The following PDE3B variants were observed in gnomAD, a reference collection of about 807,000 sequenced individuals.
PDE3B encodes cGMP-inhibited 3',5'-cyclic phosphodiesterase 3B.
A neutral mutation model predicts 116.8 loss-of-function variants in PDE3B; 66 were observed. That is an observed-to-expected ratio of 0.56 (90% CI 0.46 to 0.69). The LOEUF is 0.69. Among genes scored for constraint, PDE3B ranks in the 30% least tolerant of loss-of-function variants. The pLI, the probability that PDE3B is intolerant of heterozygous loss-of-function variation, is 0.00. For missense variants in PDE3B, 1,384 were observed against 1,368.1 expected (o/e 1.01, Z -0.18); for synonymous variants, 595 against 533.6 (o/e 1.12, Z -1.59).
In PDE3B at chr11:14,818,257, T is replaced by G; in HGVS notation, c.1597T>G (p.Ser533Ala). The change falls in exon 6 of 16, where the codon TCA (serine) becomes GCA (alanine). Residue 533 changes from serine to alanine, a missense_variant. By Grantham distance (99) the Ser-to-Ala change is moderately conservative. This residue lies in a region of PDE3B where 956 missense variants were observed against 806.8 expected (regional missense o/e 1.18). Transcript: ENST00000282096. The stretch of plus-strand genomic sequence containing the variant: ...GTCTACTGGCTCTCTAACTAATCGA[T>G]CACCCATAGAATTTCCTGATACTGC... ...PVSTGSLTNR[S>A]PIEFPDTADF... The G allele has an allele frequency of 6.2e-7, 1 of 1,613,628 alleles. No individual in the cohort carries two copies. Among genetic ancestry groups the G allele is most frequent in the Non-Finnish European group, 8.5e-7 (1 of 1,179,634 alleles).
At chr11:14,761,085 C>G (rs1042525661) in intron 1 of PDE3B, among the ~76,000 whole-genome samples, 1 of 152,034 alleles carries the variant, frequency 6.6e-6, no homozygotes, top group African/African-American at 2.4e-5. Flanking sequence ...ACTCTTTAAT[C>G]ACAGTAAAAC....
chr11:14,688,157 A>T (rs879297762), intron 1 of PDE3B, among the ~76,000 whole-genome samples: 2 of 59,668 alleles, frequency 3.4e-5, no homozygotes, highest in African/African-American at 5.9e-5. Flanking sequence ...CCCTCCCTCC[A>T]TCCCTCTCTC....
rs1477135113 is a variant in PDE3B, at chr11:14,789,880, A to G, written c.1415+638A>G. On this transcript the variant is annotated intron_variant, in intron 4 of 15. Coordinates refer to ENST00000282096, the MANE Select transcript of PDE3B (RefSeq NM_000922.4). ...TACCCTGATAACAAAGGATTTAATA[A>G]TACAGTACTTTGTCTTTTGAAAGCC... Among the ~76,000 whole-genome samples, 10 of 152,144 alleles carry G rather than the reference A, an allele frequency of 6.6e-5. No individual in the cohort carries two copies. In the East Asian group the frequency reaches 1.9e-3, roughly 29 times the overall value.
At chr11:14,654,787 TACACACACACACACACACACACAC>T (rs59557281) in intron 1 of PDE3B, among the ~76,000 whole-genome samples, 2 of 142,088 alleles carry the variant, frequency 1.4e-5, no homozygotes, top group Non-Finnish European at 1.6e-5. Context: ...AGCAGCTGTC[TACACACACACACACACACACACAC>T]ACACACACAC....
At chr11:14,711,684 C>G (rs1855707067) in intron 1 of PDE3B, among the ~76,000 whole-genome samples, 2 of 152,130 alleles carry the variant, frequency 1.3e-5, no homozygotes. Flanking sequence ...TGACCTAAAC[C>G]CCTCCCACCA....
intron 5 of PDE3B, among the ~76,000 whole-genome samples, chr11:14,817,960 C>A (rs964409357): frequency 6.6e-6 from 1 of 152,090 alleles, no homozygotes; most frequent in Non-Finnish European, 1.5e-5. Context: ...ATTTACCCAA[C>A]AAGGGGTGTT....
the PDE3B span, chr11:14,890,757 C>T: frequency 1.7e-6 from 1 of 586,084 alleles, no homozygotes; most frequent in Non-Finnish European, 2.1e-6. Flanking sequence ...ACCGTGTTAG[C>T]CACGACGGTC....
At position 14,644,358 on chromosome 11, in the gene PDE3B, G is replaced by T; in HGVS notation, c.283G>T (p.Gly95Cys). 1 of 1,593,610 alleles carries T rather than the reference G, an allele frequency of 6.3e-7. No homozygotes were observed. The highest frequency in any genetic ancestry group is 8.5e-7 in the Non-Finnish European group (1 of 1,172,480). The change falls in exon 1 of 16, where the codon GGC becomes TGC. Residue 95 changes from glycine (G) to cysteine (C), a missense_variant. Physicochemically the swap from Gly to Cys is radical, Grantham distance 159 (BLOSUM62 -3). Transcript: ENST00000282096. ...LAAFVLALLL[G>C]AEPESWAAGA... The stretch of plus-strand genomic sequence containing the variant: ...TGCCTTTGTCCTCGCCCTGCTGCTG[G>T]GCGCGGAACCCGAGAGCTGGGCTGC...
At chr11:14,895,683 T>G in the PDE3B span, among the ~76,000 whole-genome samples, 1 of 152,332 alleles carries the variant, frequency 6.6e-6, no homozygotes, top group South Asian at 2.1e-4. Context: ...AAAGTCTCCC[T>G]GTGACCACTT....
the PDE3B span, among the ~76,000 whole-genome samples, chr11:14,892,769 G>T: frequency 6.6e-6 from 1 of 152,162 alleles, no homozygotes; most frequent in Non-Finnish European, 1.5e-5. Context: ...TTTTGTGTGT[G>T]ATCTTTTAAT....
chr11:14,814,266 GAAGAC>G (rs1859244473), intron 5 of PDE3B, among the ~76,000 whole-genome samples: 2 of 152,094 alleles, frequency 1.3e-5, no homozygotes, highest in Non-Finnish European at 1.5e-5. Flanking sequence ...GACAATGAAT[GAAGAC>G]AAGATAAAGA....
At chr11:14,858,485 T>C (rs908493321) in intron 12 of PDE3B, among the ~76,000 whole-genome samples, 1 of 152,164 alleles carries the variant, frequency 6.6e-6, no homozygotes. Context: ...TTTGTGTTTT[T>C]ATCTGTTACA....
At chr11:14,792,498 A>G (rs1169597858) in intron 4 of PDE3B, among the ~76,000 whole-genome samples, 1 of 152,190 alleles carries the variant, frequency 6.6e-6, no homozygotes, top group Non-Finnish European at 1.5e-5. Context: ...AAAATTAAGT[A>G]TTATAACCCT....
the PDE3B span, among the ~76,000 whole-genome samples, chr11:14,883,199 G>A: frequency 6.6e-6 from 1 of 151,352 alleles, no homozygotes; most frequent in Non-Finnish European, 1.5e-5. Flanking sequence ...AGTTCATATG[G>A]AACCAAAAAA....
At chr11:14,660,127 A>G (rs1455243974) in intron 1 of PDE3B, among the ~76,000 whole-genome samples, 2 of 152,212 alleles carry the variant, frequency 1.3e-5, no homozygotes, top group Non-Finnish European at 2.9e-5. Flanking sequence ...ACTTGGCTGT[A>G]ACCCTAAGAG....
At chr11:14,776,966 A>G (rs1797873424) in intron 2 of PDE3B, among the ~76,000 whole-genome samples, 1 of 152,208 alleles carries the variant, frequency 6.6e-6, no homozygotes, top group Non-Finnish European at 1.5e-5. Context: ...AAGGATTTTT[A>G]AAGCAAACAT....
At chr11:14,798,678 C>T (rs1322265154) in intron 4 of PDE3B, among the ~76,000 whole-genome samples, 3 of 152,078 alleles carry the variant, frequency 2.0e-5, no homozygotes, top group East Asian at 1.9e-4. Context: ...TGTGTGTCCA[C>T]GAATTTATCC....
At chr11:14,777,008 T>C (rs1365084003) in intron 2 of PDE3B, among the ~76,000 whole-genome samples, 1 of 152,160 alleles carries the variant, frequency 6.6e-6, no homozygotes, top group Non-Finnish European at 1.5e-5. Context: ...AATTACAAAG[T>C]ATCTTGAAAC....
intron 4 of PDE3B, among the ~76,000 whole-genome samples, chr11:14,798,500 C>T (rs1007447713): frequency 4.6e-5 from 7 of 152,070 alleles, no homozygotes; most frequent in Non-Finnish European, 7.4e-5. Context: ...AGTTTCAGAA[C>T]GAATGGTACT....
Sources: allele counts gnomAD v4.1 joint callset (sites outside exome capture counted in the v4.1 genomes callset), GRCh38; gene constraint gnomAD v4.1.1; regional missense constraint gnomAD v4.1.1; transcripts MANE v1.5; gene names NCBI Gene and HGNC (gene_info 2026-07-23, HGNC 2026-07-21).